HCN1: variants seen among roughly 807,000 people sequenced by gnomAD.
HCN1 encodes potassium/sodium hyperpolarization-activated cyclic nucleotide-gated channel 1.
In HCN1, 13 loss-of-function variants were observed where a neutral mutation model predicts 78.9. The ratio of observed to expected loss-of-function variants is 0.16; its 90% CI spans 0.11 to 0.26. The LOEUF is 0.26. Among genes scored for constraint, HCN1 ranks in the 10% least tolerant of loss-of-function variants. HCN1 has a pLI of 1.00. For missense variants in HCN1, 810 were observed against 1,154.3 expected (o/e 0.70, Z 4.32); for synonymous variants, 552 against 455.5 (o/e 1.21, Z -2.70).
At chr5:45,527,354 C>G (rs1443325576) in intron 2 of HCN1, among the ~76,000 whole-genome samples, 1 of 32,968 alleles carries the variant, frequency 3.0e-5, no homozygotes, top group East Asian at 1.5e-3. Flanking sequence ...TAAACAGAAG[C>G]TTATACCATG....
intron 5 of HCN1, among the ~76,000 whole-genome samples, chr5:45,349,259 G>C (rs1418265300): frequency 6.6e-6 from 1 of 152,136 alleles, no homozygotes; most frequent in Non-Finnish European, 1.5e-5. Context: ...TGAACAACCT[G>C]CTCCTGAATG....
intron 2 of HCN1, among the ~76,000 whole-genome samples, chr5:45,467,266 C>A (rs1304432049): frequency 6.6e-6 from 1 of 152,082 alleles, no homozygotes; most frequent in Non-Finnish European, 1.5e-5. Flanking sequence ...TTCTTTCAAA[C>A]CCCAATGTCT....
At chr5:45,324,173 A>T (rs1746186127) in intron 5 of HCN1, among the ~76,000 whole-genome samples, 1 of 151,972 alleles carries the variant, frequency 6.6e-6, no homozygotes, top group South Asian at 2.1e-4. Flanking sequence ...ATTAAACTAA[A>T]GAGCTTCTGC....
intron 4 of HCN1, among the ~76,000 whole-genome samples, chr5:45,390,819 T>C (rs1739540339): frequency 6.6e-6 from 1 of 152,158 alleles, no homozygotes; most frequent in Non-Finnish European, 1.5e-5. Context: ...TAACAACACT[T>C]AGTTAATATA....
chr5:45,475,809 CTTTTAG>C (rs1741501742), intron 2 of HCN1, among the ~76,000 whole-genome samples: 1 of 152,022 alleles, frequency 6.6e-6, no homozygotes, highest in Admixed American at 6.6e-5. Flanking sequence ...AAAAAATGCA[CTTTTAG>C]TTTGAGTCTA....
At chr5:45,608,764 T>G (rs960760997) in intron 2 of HCN1, among the ~76,000 whole-genome samples, 7 of 151,866 alleles carry the variant, frequency 4.6e-5, no homozygotes, top group African/African-American at 1.7e-4. Flanking sequence ...ATGGAAAATA[T>G]TAATAAACTG....
intron 4 of HCN1, among the ~76,000 whole-genome samples, chr5:45,381,994 C>T (rs778996979): frequency 7.9e-5 from 12 of 152,288 alleles, no homozygotes; most frequent in Middle Eastern, 3.4e-3. Context: ...CATTGTCCTC[C>T]GCACTGACTC....
intron 3 of HCN1, among the ~76,000 whole-genome samples, chr5:45,435,484 A>G (rs1480514991): frequency 6.6e-6 from 1 of 152,190 alleles, no homozygotes; most frequent in Non-Finnish European, 1.5e-5. Flanking sequence ...GTTCTAGACA[A>G]TTAGAAAACT....
At chr5:45,665,701 A>T in intron 1 of HCN1, among the ~76,000 whole-genome samples, 1 of 152,112 alleles carries the variant, frequency 6.6e-6, no homozygotes, top group East Asian at 1.9e-4. Flanking sequence ...GCAGATTACT[A>T]ACTCAAAAGT....
At chr5:45,597,962 TCAACATC>T (rs1468967475) in intron 2 of HCN1, among the ~76,000 whole-genome samples, 2 of 152,226 alleles carry the variant, frequency 1.3e-5, no homozygotes, top group African/African-American at 4.8e-5. Flanking sequence ...ATAGGCAGAA[TCAACATC>T]GTGAAAATGG....
intron 5 of HCN1, among the ~76,000 whole-genome samples, chr5:45,308,199 C>T (rs1055827920): frequency 1.3e-5 from 2 of 152,068 alleles, no homozygotes; most frequent in Admixed American, 6.6e-5. Flanking sequence ...CCCCTTCCAC[C>T]ATGATTGAAT....
At chr5:45,396,471 G>A (rs756481297) in intron 4 of HCN1, 21 bp downstream of exon 4, 1 of 1,596,276 alleles carries the variant, frequency 6.3e-7, no homozygotes, top group African/African-American at 1.3e-5. Flanking sequence ...AAAGACATTG[G>A]CGATAAATAA....
At chr5:45,347,986 C>A (rs1746786474) in intron 5 of HCN1, among the ~76,000 whole-genome samples, 1 of 152,070 alleles carries the variant, frequency 6.6e-6, no homozygotes, top group Non-Finnish European at 1.5e-5. Context: ...CAAAGCAGGC[C>A]AACATTCAGA....
At chr5:45,375,858 GATATATC>G (rs1561131890) in intron 4 of HCN1, among the ~76,000 whole-genome samples, 47 of 109,636 alleles carry the variant, frequency 4.3e-4, no homozygotes, top group African/African-American at 1.7e-3. Flanking sequence ...AATATTTTAT[GATATATC>G]TTATATATAT....
chr5:45,413,598 C>T (rs1740065253), intron 3 of HCN1, among the ~76,000 whole-genome samples: 1 of 151,920 alleles, frequency 6.6e-6, no homozygotes, highest in African/African-American at 2.4e-5. Flanking sequence ...GATGGGTGGG[C>T]TGTCAACAAA....
chr5:45,471,909 C>T (rs1741400248), intron 2 of HCN1, among the ~76,000 whole-genome samples: 1 of 151,930 alleles, frequency 6.6e-6, no homozygotes, highest in African/African-American at 2.4e-5. Flanking sequence ...CACATTCAAT[C>T]TTTCCTTCCT....
At chr5:45,309,604 C>A (rs1338811240) in intron 5 of HCN1, among the ~76,000 whole-genome samples, 2 of 152,012 alleles carry the variant, frequency 1.3e-5, no homozygotes, top group African/African-American at 2.4e-5. Flanking sequence ...AAAAGCCTTT[C>A]CTGCATCTAT....
At chr5:45,526,283 T>A (rs750666215) in intron 2 of HCN1, among the ~76,000 whole-genome samples, 9 of 152,018 alleles carry the variant, frequency 5.9e-5, no homozygotes, top group Non-Finnish European at 1.0e-4. Flanking sequence ...CTCCTTTGAG[T>A]TTCTATACTA....
intron 1 of HCN1, among the ~76,000 whole-genome samples, chr5:45,655,752 A>G (rs1745753215): frequency 6.6e-6 from 1 of 152,250 alleles, no homozygotes; most frequent in East Asian, 1.9e-4. Flanking sequence ...CCCATATAGT[A>G]GCATGCAACT....
Sources: allele counts gnomAD v4.1 joint callset (sites outside exome capture counted in the v4.1 genomes callset), GRCh38; gene constraint gnomAD v4.1.1; transcripts MANE v1.5; gene names NCBI Gene and HGNC (gene_info 2026-07-23, HGNC 2026-07-21).